Variants in CFDP1 observed in about 807,000 individuals in gnomAD.
The protein encoded by CFDP1 is heterochromatin-stabilizing protein CFDP1.
CFDP1 carries 31 observed loss-of-function variants against 40.1 expected under a neutral mutation model. The observed-to-expected ratio is 0.77, with a 90% confidence interval of 0.58 to 1.04. The LOEUF is 1.04. Ranked by LOEUF, CFDP1 falls within the 50% of genes least tolerant of loss-of-function variation. The probability of loss-of-function intolerance (pLI) is 0.00; values close to 1 mark genes in which losing one functional copy is unlikely to be tolerated. For missense variants in CFDP1, 423 were observed against 343.4 expected (o/e 1.23, Z -1.83); for synonymous variants, 167 against 120.0 (o/e 1.39, Z -2.56).
At chr16:75,350,646 T>C (rs1037135171) in intron 5 of CFDP1, among the ~76,000 whole-genome samples, 1 of 152,154 alleles carries the variant, frequency 6.6e-6, no homozygotes, top group Admixed American at 6.5e-5. Context: ...AGACTATTCA[T>C]TGCAAGACTC....
In CFDP1 at chr16:75,368,536, G is replaced by A. The variant is rs1047130395; in HGVS notation, c.650+26554C>T. Among the ~76,000 whole-genome samples, 78 of 152,176 alleles carry A rather than the reference G, an allele frequency of 5.1e-4. 1 individual carries two copies. The highest frequency in any genetic ancestry group is 1.7e-3 in the African/African-American group (70 of 41,446). On this transcript the variant is annotated intron_variant, in intron 5 of 6. Transcript: ENST00000283882. ...AAAAGGGGTATAGTAATGTCTACCC[G>A]CAAAGATTTGAGTATTCAACTTGAT... is the stretch of plus-strand genomic sequence containing the variant.
intron 6 of CFDP1, among the ~76,000 whole-genome samples, 192 bp downstream of exon 6, chr16:75,304,832 C>T (rs116259127): frequency 3.9e-5 from 6 of 152,220 alleles, no homozygotes; most frequent in African/African-American, 1.2e-4. Flanking sequence ...TCCCTCCACC[C>T]GCAGTGGCCT....
chr16:75,309,109 A>G (rs905977039), intron 5 of CFDP1, among the ~76,000 whole-genome samples: 1 of 152,202 alleles, frequency 6.6e-6, no homozygotes, highest in African/African-American at 2.4e-5. Flanking sequence ...CAGGGGGCTC[A>G]TGATAACCAG....
intron 4 of CFDP1, among the ~76,000 whole-genome samples, chr16:75,407,933 C>A (rs1050225347): frequency 2.0e-5 from 3 of 152,006 alleles, no homozygotes; most frequent in Non-Finnish European, 4.4e-5. Context: ...AATGGTGAAA[C>A]CCATCTCTAC....
intron 4 of CFDP1, among the ~76,000 whole-genome samples, chr16:75,397,401 G>A (rs754395026): frequency 2.6e-5 from 4 of 151,604 alleles, no homozygotes; most frequent in Non-Finnish European, 5.9e-5. Context: ...TGTAACTCCA[G>A]CTACTTAGGA....
chr16:75,355,770 ATT>A (rs2078640823), intron 5 of CFDP1, among the ~76,000 whole-genome samples: 1 of 152,092 alleles, frequency 6.6e-6, no homozygotes. Flanking sequence ...GCTTGCACTC[ATT>A]CTCTCTCCTG....
intron 6 of CFDP1, among the ~76,000 whole-genome samples, chr16:75,295,911 A>G (rs1226357033): frequency 1.3e-5 from 2 of 152,192 alleles, no homozygotes; most frequent in African/African-American, 4.8e-5. Flanking sequence ...GAGACCCGTG[A>G]TTCTTGAGTG....
At chr16:75,421,459 A>G (rs531509017) in intron 1 of CFDP1, among the ~76,000 whole-genome samples, 120 of 152,266 alleles carry the variant, frequency 7.9e-4, no homozygotes, top group African/African-American at 2.7e-3. Context: ...ACTATGAGGG[A>G]AAAAAAGATA....
rs2079282662 is a variant in CFDP1 at position 75,421,710 on chromosome 16, C to T, written c.65-7015G>A. 1.3e-5 allele frequency among the ~76,000 whole-genome samples: 2 copies of T among 152,110 alleles called. 1 individual carries two copies. The highest frequency in any genetic ancestry group is 4.1e-4 in the South Asian group (2 of 4,824). On this transcript the variant is annotated intron_variant, in intron 1 of 6. Coordinates refer to ENST00000283882, the MANE Select transcript of CFDP1 (RefSeq NM_006324.3). ...GCCTGTATTTCCTCATTTTATGAGG[C>T]CTGCATTATCTGATACTAAAATCAC...
intron 5 of CFDP1, among the ~76,000 whole-genome samples, chr16:75,319,802 A>T (rs972075242): frequency 6.6e-6 from 1 of 152,196 alleles, no homozygotes; most frequent in East Asian, 1.9e-4. Flanking sequence ...GGAAGCAATC[A>T]TCTATACAAG....
intron 5 of CFDP1, among the ~76,000 whole-genome samples, chr16:75,378,911 C>T (rs2078827411): frequency 6.6e-6 from 1 of 151,968 alleles, no homozygotes; most frequent in Non-Finnish European, 1.5e-5. Context: ...TCACCAGCAA[C>T]ATGATCAAAC....
chr16:75,343,406 C>A (rs1162429159), intron 5 of CFDP1, among the ~76,000 whole-genome samples: 3 of 152,162 alleles, frequency 2.0e-5, no homozygotes, highest in Non-Finnish European at 4.4e-5. Flanking sequence ...GGTTTCCTTA[C>A]ACTAAATGTG....
chr16:75,348,478 C>T (rs983866229), intron 5 of CFDP1, among the ~76,000 whole-genome samples: 5 of 152,104 alleles, frequency 3.3e-5, no homozygotes, highest in Non-Finnish European at 1.5e-5. Flanking sequence ...AGCCCAAAGC[C>T]TAAAATTTCT....
intron 5 of CFDP1, among the ~76,000 whole-genome samples, chr16:75,357,102 G>A (rs1015581546): frequency 6.6e-6 from 1 of 151,626 alleles, no homozygotes; most frequent in Non-Finnish European, 1.5e-5. Context: ...TAGTAGAGAT[G>A]GGCTTTTGCC....
At chr16:75,318,601 T>G (rs2078341082) in intron 5 of CFDP1, among the ~76,000 whole-genome samples, 2 of 152,080 alleles carry the variant, frequency 1.3e-5, no homozygotes, top group African/African-American at 4.8e-5. Flanking sequence ...AGACTGGGTT[T>G]CACCGTGTTA....
At chr16:75,408,679 G>C (rs1166731753) in intron 4 of CFDP1, among the ~76,000 whole-genome samples, 6 of 151,712 alleles carry the variant, frequency 4.0e-5, no homozygotes, top group Non-Finnish European at 5.9e-5. Flanking sequence ...GGGAGCCTGA[G>C]GCAGGAGAAT....
intron 5 of CFDP1, among the ~76,000 whole-genome samples, chr16:75,373,691 C>T (rs186797873): frequency 2.4e-3 from 362 of 152,176 alleles, no homozygotes; most frequent in Middle Eastern, 0.017. Context: ...CGGGGTCTCC[C>T]TATGTTGCCC....
chr16:75,346,749 C>A (rs2078569203), intron 5 of CFDP1, among the ~76,000 whole-genome samples: 1 of 145,976 alleles, frequency 6.9e-6, no homozygotes, highest in African/African-American at 2.5e-5. Flanking sequence ...TCAGCACCTA[C>A]TACAAAAGAT....
At chr16:75,316,045 T>C (rs1222411672) in intron 5 of CFDP1, among the ~76,000 whole-genome samples, 2 of 152,206 alleles carry the variant, frequency 1.3e-5, no homozygotes, top group African/African-American at 4.8e-5. Context: ...GGTTGACCTA[T>C]AGAATGTTGC....
Sources: allele counts gnomAD v4.1 joint callset (sites outside exome capture counted in the v4.1 genomes callset), GRCh38; gene constraint gnomAD v4.1.1; transcripts MANE v1.5; gene names NCBI Gene and HGNC (gene_info 2026-07-23, HGNC 2026-07-21).